CTDSP1: variants seen among roughly 807,000 people sequenced by gnomAD.
CTDSP1 encodes CTD small phosphatase 1, also known as carboxy-terminal domain RNA polymerase II polypeptide A small phosphatase 1.
In CTDSP1, 15 loss-of-function variants were observed where a neutral mutation model predicts 32.5. The ratio of observed to expected loss-of-function variants is 0.46; its 90% CI spans 0.31 to 0.71. The LOEUF is 0.71. CTDSP1 is among the 30% of genes least tolerant of loss of function. CTDSP1 has a pLI of 0.05. For missense variants in CTDSP1, 294 were observed against 351.1 expected (o/e 0.84, Z 1.30); for synonymous variants, 185 against 145.4 (o/e 1.27, Z -1.96).
Position 218,400,008 on chromosome 2 carries a change from C to T in CTDSP1, c.-83C>T. 6 of 1,314,128 alleles carry T rather than the reference C, an allele frequency of 4.6e-6. No homozygotes were observed. The highest frequency in any genetic ancestry group is 5.8e-6 in the Non-Finnish European group (6 of 1,026,268). 81.4% of individuals were successfully genotyped at this position (1,314,128 alleles called of 1,614,324 possible). A position where few individuals can be genotyped will look rare whatever the true frequency, so the allele number is the denominator to read the frequency against. ...CTCCCTCCCACCCCTCCCCTCCCCC[C>T]CGCGCCCCGATTCCGGCCCCAGCCG... On this transcript the variant is annotated 5_prime_UTR_variant, in exon 1 of 7. Coordinates refer to ENST00000273062, the MANE Select transcript of CTDSP1 (RefSeq NM_021198.3).
rs1012466054 is a variant in CTDSP1 at position 218,405,513 on chromosome 2, G to C, written c.*1088G>C. On this transcript the variant is annotated 3_prime_UTR_variant, in exon 7 of 7. Transcript: ENST00000273062. ...AGTGCCTCCTTGCCCATCCTTCACC[G>C]GTGCCTTTGGGGGATCTGTAGGAGG... 6.5e-6 allele frequency: 1 copy of C among 152,936 alleles called. No homozygotes were observed. Among genetic ancestry groups the C allele is most frequent in the Non-Finnish European group, 1.5e-5 (1 of 68,300 alleles). 9.5% of individuals were successfully genotyped at this position (152,936 alleles called of 1,614,324 possible).
Position 218,402,117 on chromosome 2 carries a change from C to G in CTDSP1, c.223C>G (p.Pro75Ala). The change falls in exon 3 of 7, where the codon CCA (proline) becomes GCA (alanine). Residue 75 changes from proline (P) to alanine (A), a missense_variant. Physicochemically the swap from Pro to Ala is conservative, Grantham distance 27. Transcript: ENST00000273062. ...EENGAIPKQT[P>A]VQYLLPEAKA... ...AGCCCCGCCCTCCCTACAGCAGACC[C>G]CAGTCCAATACCTGCTCCCTGAGGC... 1 of 1,612,354 alleles carries G rather than the reference C, an allele frequency of 6.2e-7. No homozygotes were observed. Among genetic ancestry groups the G allele is most frequent in the Non-Finnish European group, 8.5e-7 (1 of 1,179,158 alleles).
chr2:218,398,537 G>T, upstream of CTDSP1: 1 of 1,274,156 alleles, frequency 7.8e-7, no homozygotes, highest in Non-Finnish European at 1.0e-6. Context: ...GCACGAAGCC[G>T]CCGCGCCTTC....
chr2:218,401,423 A>C lies in CTDSP1; in HGVS notation c.68-141A>C, dbSNP rs567965160. The C allele has an allele frequency of 3.3e-6, 3 of 913,566 alleles. No homozygotes were observed. In the South Asian group the frequency reaches 5.0e-5, roughly 15 times the overall value. The allele number at this position is 913,566 out of a possible 1,614,324, so 56.6% of individuals were successfully genotyped here. A position where few individuals can be genotyped will look rare whatever the true frequency, so the allele number is the denominator to read the frequency against. On this transcript the variant is annotated intron_variant, in intron 1 of 6. Coordinates refer to ENST00000273062, the MANE Select transcript of CTDSP1 (RefSeq NM_021198.3). ...AGCCCTGACAGGGGCGTTTCAGAGA[A>C]AGTCAGGAGCTGCCTTCGTGTGTCT... is the stretch of plus-strand genomic sequence containing the variant.
In CTDSP1 at chr2:218,404,410, A is replaced by G. The variant is rs1322533009; in HGVS notation, c.771A>G (p.Pro257=). 1.9e-6 allele frequency: 3 copies of G among 1,614,092 alleles called. No homozygotes were observed. In the Admixed American group the frequency reaches 5.0e-5, roughly 27 times the overall value. ...VDDVYSVLRQ[P]RPGS is the part of the protein sequence containing the mutation. ...ACGTGTACTCAGTGCTCAGGCAGCCACGGCCAGGGAGCTAGTGAGGGTGAT... is the reference window on the plus strand; with the variant it reads ...ACGTGTACTCAGTGCTCAGGCAGCCGCGGCCAGGGAGCTAGTGAGGGTGAT... The change falls in exon 7 of 7, where the codon CCA becomes CCG. Residue 257 remains proline, a synonymous_variant. Coordinates refer to ENST00000273062, the MANE Select transcript of CTDSP1 (RefSeq NM_021198.3).
intron 1 of CTDSP1, 90 bp downstream of exon 1, chr2:218,400,247 GC>G (rs1697044160): frequency 2.5e-6 from 3 of 1,217,166 alleles, no homozygotes; most frequent in African/African-American, 3.1e-5. Context: ...CGCCGCCGCC[GC>G]CCCGGGCGGC....
intron 2 of CTDSP1, 118 bp downstream of exon 2, chr2:218,401,830 T>C: frequency 9.5e-7 from 1 of 1,052,970 alleles, no homozygotes; most frequent in Admixed American, 2.9e-5. Context: ...AGGTGCAGAG[T>C]AGGAGGGTGG....
At chr2:218,401,308 T>C (rs1253594526) in intron 1 of CTDSP1, 2 of 547,822 alleles carry the variant, frequency 3.7e-6, no homozygotes, top group African/African-American at 1.9e-5. Flanking sequence ...AGGACCTCCT[T>C]CTCCAGGCCA....
intron 4 of CTDSP1, 150 bp downstream of exon 4, chr2:218,402,555 C>A (rs1263835837): frequency 1.2e-5 from 10 of 853,128 alleles, no homozygotes; most frequent in Non-Finnish European, 1.8e-5. Context: ...CAAAGTCACA[C>A]AGAACCTCAA....
At position 218,405,238 on chromosome 2, in the gene CTDSP1, C is replaced by CA. The variant is rs986465953; in HGVS notation, c.*814dup. 20 of 152,734 alleles carry CA rather than the reference C, an allele frequency of 1.3e-4. No individual in the cohort carries two copies. The highest frequency in any genetic ancestry group is 4.1e-4 in the African/African-American group (17 of 41,416). 9.5% of individuals were successfully genotyped at this position (152,734 alleles called of 1,614,324 possible). A position where few individuals can be genotyped will look rare whatever the true frequency, so the allele number is the denominator to read the frequency against. ...AGAGAGGGAAGGGTCAGGGTAGAGA[C>CA]ACCCCTCCCTTGCCCCTTTCCTGGG... is the stretch of plus-strand genomic sequence containing the variant. On this transcript the variant is annotated 3_prime_UTR_variant, in exon 7 of 7. Coordinates refer to ENST00000273062, the MANE Select transcript of CTDSP1 (RefSeq NM_021198.3).
chr2:218,400,154 A>G lies in CTDSP1; in HGVS notation c.64A>G (p.Lys22Glu). ...GGAGGCTCGGGGCCCGCTGCGGGGC[A>G]AAGGTACCGGGGCTGCGGGGAGGGG... ...KEEARGPLRGKGDQKSAASQK... is the reference protein window; with the variant it reads ...KEEARGPLRGEGDQKSAASQK... Residue 22 changes from lysine (K) to glutamate (E), a missense_variant, in exon 1 of 7, where the codon AAA becomes GAA. Lys to Glu is a moderately conservative substitution (Grantham distance 56, BLOSUM62 1). Around this residue, in one of 2 missense-constraint regions of CTDSP1, gnomAD observed 148 missense variants for 113.3 expected, o/e 1.31. Coordinates refer to ENST00000273062, the MANE Select transcript of CTDSP1 (RefSeq NM_021198.3). 1 of 1,544,626 alleles carries G rather than the reference A, an allele frequency of 6.5e-7. No homozygotes were observed.
Position 218,402,471 on chromosome 2 carries a change from A to G in CTDSP1, c.378+66A>G, listed in dbSNP as rs149582075. ...CTCCAGACCCTAGGCTCTTCCCACC[A>G]ATCCGGAGCGCCTCGGATGGGAATT... is the stretch of plus-strand genomic sequence containing the variant. On this transcript the variant is annotated intron_variant, in intron 4 of 6. Transcript: ENST00000273062. The G allele has an allele frequency of 3.1e-5, 46 of 1,502,424 alleles. No homozygotes were observed. The African/African-American group carries it at 5.1e-4, about 17-fold the overall frequency. The allele number at this position is 1,502,424 out of a possible 1,614,324, so 93.1% of individuals were successfully genotyped here. A position where few individuals can be genotyped will look rare whatever the true frequency, so the allele number is the denominator to read the frequency against.
chr2:218,405,603 C>T lies in CTDSP1; in HGVS notation c.*1178C>T, dbSNP rs1697369653. On this transcript the variant is annotated 3_prime_UTR_variant, in exon 7 of 7. Coordinates refer to ENST00000273062, the MANE Select transcript of CTDSP1 (RefSeq NM_021198.3). Reference sequence around the variant, plus strand: ...GACCAAGCTGTCCCCTTCCCCTGTGCCAACCCATCTCCTACAGCCCCCTGC... The same window carrying T: ...GACCAAGCTGTCCCCTTCCCCTGTGTCAACCCATCTCCTACAGCCCCCTGC... 1 of 153,088 alleles carries T rather than the reference C, an allele frequency of 6.5e-6. No individual in the cohort carries two copies. The allele number at this position is 153,088 out of a possible 1,614,324, so 9.5% of individuals were successfully genotyped here. A position where few individuals can be genotyped will look rare whatever the true frequency, so the allele number is the denominator to read the frequency against.
chr2:218,401,844 C>G (rs777653516), intron 2 of CTDSP1, 132 bp downstream of exon 2: 1 of 901,600 alleles, frequency 1.1e-6, no homozygotes, highest in Non-Finnish European at 1.6e-6. Context: ...AGGGTGGCAG[C>G]CTCCCCTGCC....
intron 1 of CTDSP1, chr2:218,400,949 G>A (rs1559135525): frequency 2.3e-6 from 1 of 427,230 alleles, no homozygotes; most frequent in South Asian, 1.6e-5. Context: ...GGGCAAGGTG[G>A]AAAGGCTAGT....
chr2:218,399,606 G>T, upstream of CTDSP1: 2 of 523,442 alleles, frequency 3.8e-6, no homozygotes, highest in Non-Finnish European at 4.9e-6. Flanking sequence ...GGCGGGCCTT[G>T]GCCGAGGGCG....
upstream of CTDSP1, chr2:218,397,005 AG>A (rs962481869): frequency 9.2e-5 from 14 of 152,832 alleles, no homozygotes; most frequent in South Asian, 2.1e-4. Context: ...ATCTTGCTGA[AG>A]GGGGGGTCGG....
In CTDSP1 at chr2:218,400,414, C is replaced by CT. The variant is rs397959578; in HGVS notation, c.67+259dup. On this transcript the variant is annotated intron_variant, in intron 1 of 6. Transcript: ENST00000273062. ...CTGAGGCAGGAATAGAGAGGGAACT[C>CT]TTCGGGGGTTTCCTGGCAGGCATTG... 1.6e-5 allele frequency: 7 copies of CT among 439,758 alleles called. No individual in the cohort carries two copies. The African/African-American group carries it at 2.5e-4, about 16-fold the overall frequency. The allele number at this position is 439,758 out of a possible 1,614,324, so 27.2% of individuals were successfully genotyped here. A position where few individuals can be genotyped will look rare whatever the true frequency, so the allele number is the denominator to read the frequency against.
At chr2:218,402,469 C>A in intron 4 of CTDSP1, 64 bp downstream of exon 4, 1 of 1,518,266 alleles carries the variant, frequency 6.6e-7, no homozygotes, top group Non-Finnish European at 9.1e-7. Flanking sequence ...GCTCTTCCCA[C>A]CAATCCGGAG....
Sources: gnomAD v4.1 joint callset for allele counts on GRCh38, gnomAD v4.1.1 for gene constraint, gnomAD v4.1.1 regional missense constraint, MANE v1.5 for transcripts, NCBI Gene and HGNC (gene_info 2026-07-23, HGNC 2026-07-21) for gene names.